ZNF469: variants seen among roughly 807,000 people sequenced by gnomAD.
ZNF469 encodes zinc finger protein 469.
In ZNF469, 1 loss-of-function variant was observed where a neutral mutation model predicts 1.0. The ratio of observed to expected loss-of-function variants is 1.00; its 90% CI spans 0.35 to 4.73. ZNF469 has a LOEUF of 4.73. ZNF469 is among the 30% of genes most tolerant of loss of function. ZNF469 has a pLI of 0.16. For missense variants in ZNF469, 6,100 were observed against 5,356.3 expected (o/e 1.14, Z -4.33); for synonymous variants, 2,703 against 2,363.4 (o/e 1.14, Z -4.17).
At chr16:88,351,698 C>T in the ZNF469 span, among the ~76,000 whole-genome samples, 3 of 152,178 alleles carry the variant, frequency 2.0e-5, no homozygotes, top group African/African-American at 4.8e-5. Flanking sequence ...CCCCCACCCC[C>T]ACCGCCGGCA....
chr16:88,240,286 G>T, the ZNF469 span, among the ~76,000 whole-genome samples: 1 of 152,214 alleles, frequency 6.6e-6, no homozygotes, highest in Non-Finnish European at 1.5e-5. Context: ...GTCACTTAAG[G>T]AGGAGTGGGA....
chr16:88,351,650 G>A, the ZNF469 span, among the ~76,000 whole-genome samples: 1 of 152,194 alleles, frequency 6.6e-6, no homozygotes, highest in Non-Finnish European at 1.5e-5. Flanking sequence ...GGCCGCCCTG[G>A]GCTGTGGATC....
chr16:88,175,107 C>G, the ZNF469 span, among the ~76,000 whole-genome samples: 1 of 152,118 alleles, frequency 6.6e-6, no homozygotes, highest in Non-Finnish European at 1.5e-5. Context: ...TAAGATCTTC[C>G]GACTGATTCA....
the ZNF469 span, among the ~76,000 whole-genome samples, chr16:88,246,004 G>A: frequency 5.9e-5 from 9 of 152,394 alleles, no homozygotes; most frequent in African/African-American, 9.6e-5. Context: ...GGACGCATCC[G>A]CCTGGGCGCC....
chr16:88,303,203 C>G, the ZNF469 span, among the ~76,000 whole-genome samples: 1 of 152,182 alleles, frequency 6.6e-6, no homozygotes, highest in Non-Finnish European at 1.5e-5. Context: ...TCGGAGCAAT[C>G]CAGAGCTGTA....
At chr16:88,214,108 A>G in the ZNF469 span, among the ~76,000 whole-genome samples, 1 of 152,306 alleles carries the variant, frequency 6.6e-6, no homozygotes, top group South Asian at 2.1e-4. Context: ...TTAACAGGGA[A>G]CTGTGTGTGT....
the ZNF469 span, among the ~76,000 whole-genome samples, chr16:88,172,092 C>T: frequency 6.6e-6 from 1 of 152,186 alleles, no homozygotes; most frequent in Non-Finnish European, 1.5e-5. Context: ...GACCATCTCA[C>T]TGAGTAGAGG....
intron 1 of ZNF469, among the ~76,000 whole-genome samples, chr16:88,406,454 G>C (rs749616891): frequency 6.6e-6 from 1 of 152,232 alleles, no homozygotes; most frequent in African/African-American, 2.4e-5. Context: ...CCTGCCGTGC[G>C]GGCTGCCCAT....
intron 1 of ZNF469, among the ~76,000 whole-genome samples, chr16:88,422,426 GGGTGGATGGGT>G (rs1905499178): frequency 6.8e-6 from 1 of 147,314 alleles, no homozygotes; most frequent in African/African-American, 2.5e-5. Flanking sequence ...AATGGTAAAA[GGGTGGATGGGT>G]GGGTGGGTGG....
chr16:88,432,019 G>A lies in ZNF469; in HGVS notation c.4549G>A (p.Asp1517Asn), dbSNP rs1002619794. ...CCCGATGCTGCCTAGCCATTTTCCT[G>A]ATCTCTCGGGGGGAAAGGTGCTCAG... ...VSPMLPSHFP[D>N]LSGGKVLSKT... The change falls in exon 3 of 3, where the codon GAT (aspartate) becomes AAT (asparagine). Residue 1517 changes from aspartate (D) to asparagine (N), a missense_variant. Coordinates refer to ENST00000565624, the MANE Select transcript of ZNF469 (RefSeq NM_001367624.2). 4.5e-6 allele frequency: 7 copies of A among 1,550,170 alleles called. No individual in the cohort carries two copies. In the African/African-American group the frequency reaches 6.8e-5, roughly 15 times the overall value.
chr16:88,151,667 A>G, the ZNF469 span, among the ~76,000 whole-genome samples: 1 of 152,090 alleles, frequency 6.6e-6, no homozygotes, highest in African/African-American at 2.4e-5. This position sits in a 1 kb window ranked among gnomAD's most constrained non-coding sequence, Gnocchi z 5.4. Context: ...TTTAAAACCA[A>G]ACAATACTTG....
At chr16:88,307,254 T>C in the ZNF469 span, among the ~76,000 whole-genome samples, 2 of 152,276 alleles carry the variant, frequency 1.3e-5, no homozygotes, top group Non-Finnish European at 1.5e-5. Context: ...CTTCCACTGA[T>C]GGAAGTGTGG....
At chr16:88,374,472 C>T in the ZNF469 span, among the ~76,000 whole-genome samples, 4 of 152,318 alleles carry the variant, frequency 2.6e-5, no homozygotes, top group African/African-American at 9.6e-5. Flanking sequence ...AGACCAGGAA[C>T]ATAGCTGGGG....
Position 88,438,974 on chromosome 16 carries a change from G to A in ZNF469, c.11504G>A (p.Gly3835Glu), listed in dbSNP as rs1427363683. The change falls in exon 3 of 3, where the codon GGG (glycine) becomes GAG (glutamate). Residue 3835 changes from glycine to glutamate, a missense_variant. Physicochemically the swap from Gly to Glu is moderately conservative, Grantham distance 98. Coordinates refer to ENST00000565624, the MANE Select transcript of ZNF469 (RefSeq NM_001367624.2). Reference sequence around the variant, plus strand: ...AGGAGTGAAAGTGTGGGGAGCTTCGGGAGAGCCCCCTCAGCCCCTGACAAG... The same window carrying A: ...AGGAGTGAAAGTGTGGGGAGCTTCGAGAGAGCCCCCTCAGCCCCTGACAAG... ...PARSESVGSF[G>E]RAPSAPDKPP... 6.5e-7 allele frequency: 1 copy of A among 1,550,358 alleles called. No individual in the cohort carries two copies. Among genetic ancestry groups the A allele is most frequent in the Non-Finnish European group, 8.7e-7 (1 of 1,146,994 alleles).
the ZNF469 span, among the ~76,000 whole-genome samples, chr16:88,141,417 G>T: frequency 1.4e-5 from 2 of 143,804 alleles, no homozygotes; most frequent in Admixed American, 1.4e-4. Flanking sequence ...GCTCAGCCTG[G>T]GAAAGAGGCC....
chr16:88,255,112 C>A, the ZNF469 span, among the ~76,000 whole-genome samples: 1 of 152,174 alleles, frequency 6.6e-6, no homozygotes, highest in Non-Finnish European at 1.5e-5. Context: ...GGTCCGATAG[C>A]TGGGAGAAAT....
the ZNF469 span, among the ~76,000 whole-genome samples, chr16:88,277,357 C>G: frequency 0.41 from 60,037 of 144,816 alleles, 13,519 homozygotes; most frequent in African/African-American, 0.59. Context: ...TCAGTCAGTA[C>G]CGTGTAGATA....
the ZNF469 span, among the ~76,000 whole-genome samples, chr16:88,216,721 G>C: frequency 6.6e-6 from 1 of 152,084 alleles, no homozygotes. Context: ...TTCAAATATT[G>C]CTGCCTTTTT....
the ZNF469 span, among the ~76,000 whole-genome samples, chr16:88,374,623 AT>A: frequency 1.3e-5 from 2 of 152,144 alleles, no homozygotes; most frequent in Non-Finnish European, 2.9e-5. Context: ...GTTCAGGGAC[AT>A]TCTTGTGATG....
Sources: gnomAD v4.1 joint callset for allele counts (sites outside exome capture counted in the v4.1 genomes callset) on GRCh38, gnomAD v4.1.1 for gene constraint, Gnocchi (gnomAD v3.1) non-coding constraint, MANE v1.5 for transcripts, NCBI Gene and HGNC (gene_info 2026-07-23, HGNC 2026-07-21) for gene names.